SNX1: variants seen among roughly 807,000 people sequenced by gnomAD.
SNX1 encodes the protein sorting nexin 1.
Under a neutral mutation model 71.8 loss-of-function variants are expected in SNX1, and 36 were observed. The observed-to-expected ratio is 0.50, with a 90% CI of 0.38 to 0.66. The LOEUF is 0.66. Among genes scored for constraint, SNX1 ranks in the 30% least tolerant of loss-of-function variants. The pLI is 0.00. For missense variants in SNX1, 612 were observed against 646.7 expected (o/e 0.95, Z 0.58); for synonymous variants, 254 against 240.7 (o/e 1.06, Z -0.51).
intron 6 of SNX1, among the ~76,000 whole-genome samples, chr15:64,126,501 A>T (rs755442599): frequency 6.6e-6 from 1 of 152,170 alleles, no homozygotes; most frequent in Admixed American, 6.5e-5. Context: ...CTCCAGATTG[A>T]AATAGACTAC....
intron 10 of SNX1, among the ~76,000 whole-genome samples, chr15:64,130,939 T>C (rs1364303590): frequency 6.6e-6 from 1 of 152,068 alleles, no homozygotes; most frequent in Admixed American, 6.6e-5. Context: ...AAGGAATGAA[T>C]GAGGGGAGAA....
Position 64,134,780 on chromosome 15 carries a change from G to T in SNX1, c.1338G>T (p.Leu446=). The change falls in exon 12 of 15, where the codon CTG becomes CTT. Residue 446 remains leucine (L), a synonymous_variant. Transcript: ENST00000559844. The surrounding 1 kb of genome is among the most constrained non-coding windows in gnomAD (Gnocchi z 4.1). ...TGTGGGCCAACAAGCCTGATAAGCT[G>T]CAGCAGGCCAAGGACGAGATCCTCG... ...RLLWANKPDK[L]QQAKDEILEW... 6.2e-7 allele frequency: 1 copy of T among 1,614,024 alleles called. No individual in the cohort carries two copies. Among genetic ancestry groups the T allele is most frequent in the Non-Finnish European group, 8.5e-7 (1 of 1,180,030 alleles).
At chr15:64,130,484 C>T (rs1408641005) in intron 10 of SNX1, among the ~76,000 whole-genome samples, 163 bp downstream of exon 10, 1 of 152,182 alleles carries the variant, frequency 6.6e-6, no homozygotes, top group Non-Finnish European at 1.5e-5. Context: ...CCCTGTGTCT[C>T]CTGGCAGAAA....
intron 8 of SNX1, among the ~76,000 whole-genome samples, chr15:64,128,659 G>T (rs1207785318): frequency 6.6e-6 from 1 of 152,090 alleles, no homozygotes; most frequent in Non-Finnish European, 1.5e-5. Flanking sequence ...CCTGTCAAAT[G>T]CTTCAAATCT....
intron 2 of SNX1, among the ~76,000 whole-genome samples, chr15:64,117,907 G>A (rs902837672): frequency 2.6e-5 from 4 of 152,224 alleles, no homozygotes; most frequent in Non-Finnish European, 5.9e-5. Context: ...TTGGAAAGAA[G>A]GAGAGGTTGT....
At chr15:64,130,427 A>G (rs1388181838) in intron 10 of SNX1, 106 bp downstream of exon 10, 2 of 909,042 alleles carry the variant, frequency 2.2e-6, no homozygotes, top group East Asian at 2.5e-5. Flanking sequence ...CCAAGTTGAA[A>G]TTCTCAGCCC....
chr15:64,109,303 C>T (rs367837660), intron 1 of SNX1, among the ~76,000 whole-genome samples: 4 of 149,858 alleles, frequency 2.7e-5, no homozygotes, highest in African/African-American at 9.8e-5. Flanking sequence ...ACCCGGGTAA[C>T]AGAGGTTGCA....
chr15:64,123,591 G>T lies in SNX1; in HGVS notation c.510+45G>T, dbSNP rs376245410. The T allele has an allele frequency of 1.4e-4, 207 of 1,493,230 alleles. 1 individual carries two copies. The highest frequency in any genetic ancestry group is 1.8e-4 in the Non-Finnish European group (193 of 1,070,906). 92.5% of individuals were successfully genotyped at this position (1,493,230 alleles called of 1,614,324 possible). ...CTGATGACCATCTTCATAGACTTTG[G>T]TGCTTATACCAAGGTCATCATTCAG... On this transcript the variant is annotated intron_variant, in intron 5 of 14. Transcript: ENST00000559844.
chr15:64,139,842 A>G lies in SNX1; in HGVS notation c.*2224A>G, dbSNP rs1242843187. On this transcript the variant is annotated 3_prime_UTR_variant, in exon 15 of 15. Transcript: ENST00000559844. ...CAACTTTCTTTTGTCTTTCATTACC[A>G]TGACATTTTTGAAGAATACAGGCTA... 2 of 152,060 alleles carry G rather than the reference A, an allele frequency of 1.3e-5. No homozygotes were observed. Among genetic ancestry groups the G allele is most frequent in the African/African-American group, 4.8e-5 (2 of 41,376 alleles). 9.4% of individuals were successfully genotyped at this position (152,060 alleles called of 1,614,324 possible).
At chr15:64,096,336 T>G (rs1270157004) in intron 1 of SNX1, among the ~76,000 whole-genome samples, 164 bp downstream of exon 1, 1 of 152,112 alleles carries the variant, frequency 6.6e-6, no homozygotes, top group African/African-American at 2.4e-5. Context: ...GCGGTAGAGC[T>G]TGGCTTCCCG....
intron 1 of SNX1, 56 bp downstream of exon 1, chr15:64,096,228 G>A (rs1282751631): frequency 1.3e-6 from 2 of 1,522,594 alleles, no homozygotes; most frequent in South Asian, 1.2e-5. Flanking sequence ...AGGGAAGAGA[G>A]GCTAAGCGAG....
chr15:64,140,118 G>A lies in SNX1; in HGVS notation c.*2500G>A, dbSNP rs1299456556. The A allele has an allele frequency of 1.3e-5, 2 of 152,260 alleles. No homozygotes were observed. Among genetic ancestry groups the A allele is most frequent in the African/African-American group, 2.4e-5 (1 of 41,474 alleles). 9.4% of individuals were successfully genotyped at this position (152,260 alleles called of 1,614,324 possible). The stretch of plus-strand genomic sequence containing the variant: ...AGTAATTTGTGGGGAGATACTTTGA[G>A]ACTATATAAGTATTTTGTTCCTCAT... On this transcript the variant is annotated 3_prime_UTR_variant, in exon 15 of 15. Coordinates refer to ENST00000559844, the MANE Select transcript of SNX1 (RefSeq NM_003099.5).
Position 64,142,510 on chromosome 15 carries a change from G to A in SNX1, c.*4892G>A. ...GGAAGAAAATGGGGTCCAGAGCACA[G>A]GAAGGGGACCTGTGTTCAGAGGGTG... On this transcript the variant is annotated 3_prime_UTR_variant, in exon 15 of 15. Coordinates refer to ENST00000559844, the MANE Select transcript of SNX1 (RefSeq NM_003099.5). 2.6e-6 allele frequency: 1 copy of A among 389,260 alleles called. No homozygotes were observed. The highest frequency in any genetic ancestry group is 5.1e-6 in the Non-Finnish European group (1 of 194,608). The allele number at this position is 389,260 out of a possible 1,614,324, so 24.1% of individuals were successfully genotyped here. A position where few individuals can be genotyped will look rare whatever the true frequency, so the allele number is the denominator to read the frequency against.
chr15:64,127,260 C>T lies in SNX1; in HGVS notation c.731+8C>T, dbSNP rs749521616. 57 of 1,604,088 alleles carry T rather than the reference C, an allele frequency of 3.6e-5. No individual in the cohort carries two copies. The highest frequency in any genetic ancestry group is 4.4e-5 in the South Asian group (4 of 90,176). On this transcript the variant is annotated splice_region_variant and intron_variant, in intron 7 of 14. Coordinates refer to ENST00000559844, the MANE Select transcript of SNX1 (RefSeq NM_003099.5). ...GAGGGCCGCTTTAGAAAGGTAAGTGCCATGCAGCCATTTTCCTGAATAATG... is the reference window on the plus strand; with the variant it reads ...GAGGGCCGCTTTAGAAAGGTAAGTGTCATGCAGCCATTTTCCTGAATAATG...
Position 64,129,845 on chromosome 15 carries a change from G to C in SNX1, c.808-71G>C. ...GCAAGTTTTGGCATGCCATCTGATG[G>C]ATACTAATTCTTCTGAACCTAAAAT... On this transcript the variant is annotated intron_variant, in intron 8 of 14. Transcript: ENST00000559844. The surrounding 1 kb of genome is among the most constrained non-coding windows in gnomAD (Gnocchi z 4.4). The C allele has an allele frequency of 1.8e-6, 2 of 1,110,518 alleles. No homozygotes were observed. Among genetic ancestry groups the C allele is most frequent in the Non-Finnish European group, 2.8e-6 (2 of 724,802 alleles). 68.8% of individuals were successfully genotyped at this position (1,110,518 alleles called of 1,614,324 possible). A position where few individuals can be genotyped will look rare whatever the true frequency, so the allele number is the denominator to read the frequency against.
chr15:64,136,050 T>G (rs1405351991), intron 12 of SNX1, among the ~76,000 whole-genome samples: 1 of 152,196 alleles, frequency 6.6e-6, no homozygotes, highest in East Asian at 1.9e-4. Flanking sequence ...GGTGAGTACC[T>G]AAACTGGAGG....
chr15:64,112,750 AGTC>A, intron 2 of SNX1, 66 bp downstream of exon 2: 1 of 1,002,860 alleles, frequency 1.0e-6, no homozygotes, highest in African/African-American at 1.7e-5. Flanking sequence ...GCTGAGTTAA[AGTC>A]AAAACCAAAA....
rs1343263724 is a variant in SNX1, at chr15:64,141,302, G to C, written c.*3684G>C. 1 of 152,232 alleles carries C rather than the reference G, an allele frequency of 6.6e-6. No homozygotes were observed. The highest frequency in any genetic ancestry group is 1.5e-5 in the Non-Finnish European group (1 of 68,044). The allele number at this position is 152,232 out of a possible 1,614,324, so 9.4% of individuals were successfully genotyped here. ...TGGAATGATGTCTCCTCTGGTTTCAGAACTTCCTCCTCTGCTTCCTGTATC... is the reference window on the plus strand; with the variant it reads ...TGGAATGATGTCTCCTCTGGTTTCACAACTTCCTCCTCTGCTTCCTGTATC... On this transcript the variant is annotated 3_prime_UTR_variant, in exon 15 of 15. Transcript: ENST00000559844. The surrounding 1 kb of genome is among the most constrained non-coding windows in gnomAD (Gnocchi z 5.1).
At chr15:64,131,235 A>G (rs1224515695) in intron 10 of SNX1, among the ~76,000 whole-genome samples, 1 of 152,204 alleles carries the variant, frequency 6.6e-6, no homozygotes, top group African/African-American at 2.4e-5. Flanking sequence ...GTGAGCTGAG[A>G]TGGCGCCACT....
Sources: allele counts gnomAD v4.1 joint callset (sites outside exome capture counted in the v4.1 genomes callset), GRCh38; gene constraint gnomAD v4.1.1; non-coding constraint Gnocchi (gnomAD v3.1); transcripts MANE v1.5; gene names NCBI Gene and HGNC (gene_info 2026-07-23, HGNC 2026-07-21).